CHST9: variants seen among roughly 807,000 people sequenced by gnomAD.
CHST9 encodes the protein carbohydrate sulfotransferase 9, also known as GalNAc-4-sulfotransferase 2.
CHST9 carries 41 observed loss-of-function variants against 44.4 expected under a neutral mutation model. The observed-to-expected ratio is 0.92, with a 90% CI of 0.72 to 1.20. CHST9 has a LOEUF of 1.20. Among genes scored for constraint, CHST9 ranks in the 50% most tolerant of loss-of-function variants. CHST9 has a pLI of 0.00. For synonymous variants in CHST9, 171 were observed against 178.4 expected, an observed-to-expected ratio of 0.96 and a Z score of 0.33; for missense variants, 504 against 516.5, an observed-to-expected ratio of 0.98 and a Z score of 0.23.
intron 2 of CHST9, among the ~76,000 whole-genome samples, chr18:27,077,730 A>T (rs1223370662): frequency 1.3e-5 from 2 of 152,242 alleles, no homozygotes; most frequent in Non-Finnish European, 2.9e-5. Context: ...AATTATTAGT[A>T]GGTAAATAAT....
intron 1 of CHST9, among the ~76,000 whole-genome samples, chr18:27,160,887 T>A (rs566521009): frequency 6.6e-6 from 1 of 152,330 alleles, no homozygotes; most frequent in South Asian, 2.1e-4. Context: ...GATTTTCTAG[T>A]TTATTTGCGT....
intron 2 of CHST9, among the ~76,000 whole-genome samples, chr18:27,091,115 T>C (rs1335042035): frequency 6.6e-6 from 1 of 152,218 alleles, no homozygotes; most frequent in Non-Finnish European, 1.5e-5. Flanking sequence ...GTCCTCTTTA[T>C]TTCATTGAGC....
intron 2 of CHST9, among the ~76,000 whole-genome samples, chr18:27,057,706 A>C (rs2057673742): frequency 6.6e-6 from 1 of 152,234 alleles, no homozygotes; most frequent in Non-Finnish European, 1.5e-5. Context: ...GAGGTCGGCC[A>C]TCTGCCTTGG....
chr18:27,039,894 CA>C (rs2057426637), intron 3 of CHST9, among the ~76,000 whole-genome samples: 1 of 151,930 alleles, frequency 6.6e-6, no homozygotes, highest in Non-Finnish European at 1.5e-5. Context: ...CCAGAGAAAA[CA>C]AGATAAAAGT....
At chr18:27,068,444 T>A (rs9964381) in intron 2 of CHST9, among the ~76,000 whole-genome samples, 1 of 152,196 alleles carries the variant, frequency 6.6e-6, no homozygotes, top group African/African-American at 2.4e-5. Context: ...CTGATCTCCC[T>A]TCAAATAATT....
chr18:27,067,053 C>A (rs1447752023), intron 2 of CHST9, among the ~76,000 whole-genome samples: 1 of 151,880 alleles, frequency 6.6e-6, no homozygotes, highest in African/African-American at 2.4e-5. Flanking sequence ...GTAGTAGGAC[C>A]CAATTTTCTA....
intron 2 of CHST9, among the ~76,000 whole-genome samples, chr18:27,119,655 T>TG (rs2143804851): frequency 8.7e-6 from 1 of 114,450 alleles, no homozygotes; most frequent in East Asian, 2.6e-4. Context: ...TGTTTTGGGT[T>TG]TTTTTTTTTT....
In CHST9 at chr18:27,142,765, G is replaced by C; in HGVS notation, c.45C>G (p.Leu15=). ...EMVMNPKQVF[L]SVLIFGVAGL... ...CAGCTACTCCAAATATCAGCACAGA[G>C]AGGAAGACTTGTTTGGGGTTCATGA... is the stretch of plus-strand genomic sequence containing the variant. The change falls in exon 2 of 6, where the codon CTC becomes CTG. Residue 15 remains leucine, a synonymous_variant. Transcript: ENST00000618847. The C allele has an allele frequency of 1.9e-6, 3 of 1,612,068 alleles. No homozygotes were observed. The highest frequency in any genetic ancestry group is 2.2e-5 in the East Asian group (1 of 44,800).
chr18:27,132,795 T>C (rs2058482934), intron 2 of CHST9, among the ~76,000 whole-genome samples: 1 of 152,112 alleles, frequency 6.6e-6, no homozygotes, highest in Non-Finnish European at 1.5e-5. Flanking sequence ...GTAGGAATAG[T>C]GTTAGGTCTG....
intron 4 of CHST9, among the ~76,000 whole-genome samples, chr18:27,005,870 G>C (rs1178958028): frequency 1.3e-5 from 2 of 152,128 alleles, no homozygotes; most frequent in Non-Finnish European, 2.9e-5. Flanking sequence ...ATTGATGTAA[G>C]CATGTTGAAT....
At position 26,916,447 on chromosome 18, in the gene CHST9, G is replaced by C. The variant is rs753741146; in HGVS notation, c.1144C>G (p.Gln382Glu). ...AGCTCCTTTGGAGCACCGATCATCTGTAAAAAGTAATTGGCATCTTCTTCC... is the reference window on the plus strand; with the variant it reads ...AGCTCCTTTGGAGCACCGATCATCTCTAAAAAGTAATTGGCATCTTCTTCC... ...TLEEDANYFL[Q>E]MIGAPKELKF... Residue 382 changes from glutamine (Q) to glutamate (E), a missense_variant, in exon 6 of 6, where the codon CAG becomes GAG. Transcript: ENST00000618847. The C allele has an allele frequency of 1.4e-5, 23 of 1,613,596 alleles. No homozygotes were observed. The East Asian group carries it at 2.9e-4, about 20-fold the overall frequency.
intron 4 of CHST9, among the ~76,000 whole-genome samples, chr18:26,988,039 A>G (rs370270561): frequency 6.2e-4 from 94 of 152,308 alleles, no homozygotes; most frequent in African/African-American, 2.1e-3. Flanking sequence ...TTAATGATGC[A>G]TATCTACCCT....
At chr18:27,119,139 A>G (rs927592502) in intron 2 of CHST9, among the ~76,000 whole-genome samples, 1 of 152,068 alleles carries the variant, frequency 6.6e-6, no homozygotes, top group Non-Finnish European at 1.5e-5. Context: ...AAAATTATCC[A>G]ACCACATTTC....
chr18:27,073,061 G>A (rs2057858937), intron 2 of CHST9, among the ~76,000 whole-genome samples: 1 of 152,200 alleles, frequency 6.6e-6, no homozygotes, highest in South Asian at 2.1e-4. Flanking sequence ...GACTAGAGCA[G>A]AATCAGCACC....
chr18:27,137,459 C>A (rs2058525979), intron 2 of CHST9, among the ~76,000 whole-genome samples: 1 of 151,522 alleles, frequency 6.6e-6, no homozygotes, highest in Non-Finnish European at 1.5e-5. Flanking sequence ...GAAGGGATCC[C>A]AGGCTCCTGA....
At chr18:26,971,822 ATAGCTCCCACGGCTATGG>A (rs1568115343) in intron 4 of CHST9, among the ~76,000 whole-genome samples, 2 of 20,398 alleles carry the variant, frequency 9.8e-5, no homozygotes, top group African/African-American at 6.5e-4. Flanking sequence ...ATGGCTATGG[ATAGCTCCCACGGCTATGG>A]ATAGCTCCCA....
At chr18:26,946,866 T>C (rs1282946335) in intron 4 of CHST9, among the ~76,000 whole-genome samples, 5 of 152,074 alleles carry the variant, frequency 3.3e-5, no homozygotes, top group African/African-American at 1.2e-4. Context: ...TGTTCTGTTC[T>C]GTTGGTCTAT....
intron 2 of CHST9, among the ~76,000 whole-genome samples, chr18:27,063,802 T>C (rs1238525374): frequency 6.6e-6 from 1 of 152,124 alleles, no homozygotes; most frequent in African/African-American, 2.4e-5. Context: ...GCATATTACA[T>C]GTGTGGTTTT....
chr18:26,984,712 A>G (rs1228015166), intron 4 of CHST9, among the ~76,000 whole-genome samples: 2 of 151,018 alleles, frequency 1.3e-5, no homozygotes, highest in African/African-American at 4.9e-5. Context: ...TCTTCATAAA[A>G]GAGGATTACC....
Sources: gnomAD v4.1 joint callset for allele counts (sites outside exome capture counted in the v4.1 genomes callset) on GRCh38, gnomAD v4.1.1 for gene constraint, MANE v1.5 for transcripts, NCBI Gene and HGNC (gene_info 2026-07-23, HGNC 2026-07-21) for gene names.